The following MECOM variants were observed in gnomAD, a reference collection of about 807,000 sequenced individuals.
The protein encoded by MECOM is histone-lysine N-methyltransferase MECOM.
In MECOM, 13 loss-of-function variants were observed where a neutral mutation model predicts 116.3. The ratio of observed to expected loss-of-function variants is 0.11; its 90% CI spans 0.07 to 0.18. The LOEUF (loss-of-function observed/expected upper bound fraction) is 0.18. Among genes scored for constraint, MECOM ranks in the 10% least tolerant of loss-of-function variants. The pLI is 1.00. For missense variants in MECOM, 1,299 were observed against 1,509.0 expected, an observed-to-expected ratio of 0.86 and a Z score of 2.31; for synonymous variants, 528 against 535.2, an observed-to-expected ratio of 0.99 and a Z score of 0.19.
intron 2 of MECOM, among the ~76,000 whole-genome samples, chr3:169,174,557 A>G (rs1744875053): frequency 1.3e-5 from 2 of 152,220 alleles, no homozygotes; most frequent in South Asian, 4.1e-4. Flanking sequence ...CATCAGTTAT[A>G]TCAAAATACT....
intron 1 of MECOM, among the ~76,000 whole-genome samples, chr3:169,612,515 G>A (rs549861141): frequency 5.9e-5 from 9 of 151,954 alleles, no homozygotes; most frequent in South Asian, 4.2e-4. Flanking sequence ...TAGTTCAAGG[G>A]TAGTTTTAAT....
At position 169,088,907 on chromosome 3, in the gene MECOM, TC is replaced by T. The variant is rs2148838830; in HGVS notation, c.3585+92del. The T allele has an allele frequency of 2.6e-6, 3 of 1,135,476 alleles. No homozygotes were observed. The South Asian group carries it at 7.4e-5, about 28-fold the overall frequency. The allele number at this position is 1,135,476 out of a possible 1,614,324, so 70.3% of individuals were successfully genotyped here. A position where few individuals can be genotyped will look rare whatever the true frequency, so the allele number is the denominator to read the frequency against. Reference sequence around the variant, plus strand: ...GACCCCATTTGGATTCTAAAATATTTCAAAGATAGAATATTTGCTTTTTGGT... The same window carrying T: ...GACCCCATTTGGATTCTAAAATATTTAAAGATAGAATATTTGCTTTTTGGT... On this transcript the variant is annotated intron_variant, in intron 16 of 16. Transcript: ENST00000651503.
At chr3:169,592,758 T>G (rs1020563365) in intron 1 of MECOM, among the ~76,000 whole-genome samples, 2 of 152,150 alleles carry the variant, frequency 1.3e-5, no homozygotes, top group Non-Finnish European at 1.5e-5. Context: ...CCATCTCAAT[T>G]AGGGCACTTA....
intron 2 of MECOM, among the ~76,000 whole-genome samples, chr3:169,282,417 A>C (rs1712271777): frequency 6.6e-6 from 1 of 152,158 alleles, no homozygotes; most frequent in African/African-American, 2.4e-5. Context: ...TTAGACCCCA[A>C]ATCTAGGGAG....
At chr3:169,286,331 T>C (rs1713311989) in intron 2 of MECOM, among the ~76,000 whole-genome samples, 1 of 152,190 alleles carries the variant, frequency 6.6e-6, no homozygotes, top group Non-Finnish European at 1.5e-5. Context: ...ACCTGGGTGA[T>C]TCATACCCAA....
chr3:169,219,785 T>C (rs895330919), intron 2 of MECOM, among the ~76,000 whole-genome samples: 2 of 149,644 alleles, frequency 1.3e-5, no homozygotes, highest in Non-Finnish European at 3.0e-5. Flanking sequence ...ATATATTATA[T>C]ACATTAGTTT....
intron 4 of MECOM, 82 bp from the exon 5 acceptor site, chr3:169,128,142 A>G (rs1054555746): frequency 8.8e-7 from 1 of 1,131,238 alleles, no homozygotes; most frequent in African/African-American, 1.5e-5. Context: ...ATTTTACAAG[A>G]CATAATAGGT....
chr3:169,454,302 T>C (rs781402105), intron 1 of MECOM, among the ~76,000 whole-genome samples: 5 of 151,936 alleles, frequency 3.3e-5, no homozygotes, highest in Non-Finnish European at 5.9e-5. Flanking sequence ...GCTGGGAACT[T>C]TTATTAAGGT....
intron 2 of MECOM, among the ~76,000 whole-genome samples, chr3:169,373,833 C>T (rs1005002421): frequency 6.6e-5 from 10 of 151,972 alleles, no homozygotes; most frequent in Non-Finnish European, 1.5e-4. Flanking sequence ...AGCTCTCATT[C>T]CTTGCCTCCT....
Position 169,121,040 on chromosome 3 carries a change from A to T in MECOM, c.1132+16T>A, listed in dbSNP as rs1368481260. The stretch of plus-strand genomic sequence containing the variant: ...AGACAGATGTGGGAAGGAGGGCTGG[A>T]GTGTTGAAAACTTACAGATAAAGGG... On this transcript the variant is annotated intron_variant, in intron 7 of 16. Coordinates refer to ENST00000651503, the MANE Select transcript of MECOM (RefSeq NM_004991.4). 6.3e-7 allele frequency: 1 copy of T among 1,590,562 alleles called. No individual in the cohort carries two copies. Among genetic ancestry groups the T allele is most frequent in the South Asian group, 1.1e-5 (1 of 88,188 alleles).
intron 2 of MECOM, among the ~76,000 whole-genome samples, chr3:169,358,347 G>C (rs1234602405): frequency 2.0e-5 from 3 of 151,650 alleles, no homozygotes; most frequent in Non-Finnish European, 4.4e-5. Flanking sequence ...ATTAAATAGA[G>C]GTTTCCATTC....
chr3:169,493,814 G>A (rs1192253010), intron 1 of MECOM, among the ~76,000 whole-genome samples: 2 of 152,134 alleles, frequency 1.3e-5, no homozygotes, highest in African/African-American at 4.8e-5. Context: ...AGCCTAACAA[G>A]ATAAAGGGCA....
chr3:169,188,731 C>T (rs1280338263), intron 2 of MECOM, among the ~76,000 whole-genome samples: 2 of 152,088 alleles, frequency 1.3e-5, no homozygotes, highest in African/African-American at 4.8e-5. Flanking sequence ...ATTTTACCAA[C>T]TCTGCATACT....
At chr3:169,263,108 TATATATATATATATATATA>T (rs1560060935) in intron 2 of MECOM, among the ~76,000 whole-genome samples, 54 of 98,734 alleles carry the variant, frequency 5.5e-4, no homozygotes, top group Middle Eastern at 4.5e-3. Context: ...TATATATATA[TATATATATATATATATATA>T]TGTTTTTTTT....
chr3:169,291,926 C>T (rs1371610839), intron 2 of MECOM, among the ~76,000 whole-genome samples: 2 of 152,138 alleles, frequency 1.3e-5, no homozygotes, highest in African/African-American at 4.8e-5. Context: ...CAAGCAAAAA[C>T]TCAAGAGCTG....
At chr3:169,661,096 A>C (rs1776220036) in intron 1 of MECOM, among the ~76,000 whole-genome samples, 1 of 152,216 alleles carries the variant, frequency 6.6e-6, no homozygotes. Context: ...GCGTGCGGGA[A>C]TATTTTAAGA....
At chr3:169,487,220 G>A (rs192567825) in intron 1 of MECOM, among the ~76,000 whole-genome samples, 1 of 152,064 alleles carries the variant, frequency 6.6e-6, no homozygotes, top group African/African-American at 2.4e-5. Context: ...GAACCCGGAA[G>A]GAAGGAGTAG....
At chr3:169,168,948 G>T (rs759384994) in intron 2 of MECOM, among the ~76,000 whole-genome samples, 1 of 151,696 alleles carries the variant, frequency 6.6e-6, no homozygotes, top group African/African-American at 2.4e-5. Flanking sequence ...AGAATAGATT[G>T]TTATAGATAA....
chr3:169,182,155 T>C (rs1746052174), intron 2 of MECOM, among the ~76,000 whole-genome samples: 1 of 152,178 alleles, frequency 6.6e-6, no homozygotes, highest in Non-Finnish European at 1.5e-5. Context: ...AAGTAACTAG[T>C]TGAAAGGCGT....
Sources: gnomAD v4.1 joint callset for allele counts (sites outside exome capture counted in the v4.1 genomes callset) on GRCh38, gnomAD v4.1.1 for gene constraint, MANE v1.5 for transcripts, NCBI Gene and HGNC (gene_info 2026-07-23, HGNC 2026-07-21) for gene names.